The following LMF1 variants were observed in gnomAD, a reference collection of about 807,000 sequenced individuals.
The protein encoded by LMF1 is transmembrane protein 112.
A neutral mutation model predicts 60.6 loss-of-function variants in LMF1; 68 were observed. That is an observed-to-expected ratio of 1.12 (90% CI 0.92 to 1.37). The LOEUF is 1.37. LMF1 is among the 40% of genes most tolerant of loss of function. The probability of loss-of-function intolerance (pLI) is 0.00; values close to 1 mark genes in which losing one functional copy is unlikely to be tolerated. For synonymous variants in LMF1, 418 were observed against 324.7 expected, an observed-to-expected ratio of 1.29 and a Z score of -3.09; for missense variants, 948 against 767.2, an observed-to-expected ratio of 1.24 and a Z score of -2.78.
chr16:860,115 A>G (rs928444549), intron 10 of LMF1, among the ~76,000 whole-genome samples: 7 of 151,480 alleles, frequency 4.6e-5, no homozygotes, highest in African/African-American at 1.7e-4. Flanking sequence ...AAGTTATGAA[A>G]CTTCTTTACA....
chr16:907,901 T>C (rs1011255254), intron 4 of LMF1, among the ~76,000 whole-genome samples: 4 of 152,222 alleles, frequency 2.6e-5, no homozygotes, highest in Non-Finnish European at 4.4e-5. Context: ...CAAAATGCCA[T>C]AAAAGGTGCT....
At chr16:866,723 A>C (rs9936865) in intron 10 of LMF1, among the ~76,000 whole-genome samples, 23,447 of 152,092 alleles carry the variant, frequency 0.15, 4,033 homozygotes, top group African/African-American at 0.43. Flanking sequence ...TGATTATTTT[A>C]TGTAAATTTC....
intron 1 of LMF1, among the ~76,000 whole-genome samples, chr16:965,359 G>C (rs547013758): frequency 6.6e-6 from 1 of 152,274 alleles, no homozygotes; most frequent in East Asian, 1.9e-4. Context: ...ATTGGGGAGA[G>C]GCCAGAAGAG....
At chr16:882,741 C>A (rs191748006) in intron 5 of LMF1, among the ~76,000 whole-genome samples, 1 of 147,106 alleles carries the variant, frequency 6.8e-6, no homozygotes, top group African/African-American at 2.5e-5. Context: ...CAGAGCCCAT[C>A]GCAGGACCAG....
Position 869,762 on chromosome 16 carries a change from ATC to A in LMF1, c.1416+119_1416+120del, listed in dbSNP as rs2069721807. On this transcript the variant is annotated intron_variant, in intron 9 of 10. Coordinates refer to ENST00000262301, the MANE Select transcript of LMF1 (RefSeq NM_022773.4). ...CAGTTCTCAGCTCAGGCAGGATCCC[ATC>A]TCTCCCAGCCTCCCTCCCCACCAGC... The A allele has an allele frequency of 3.8e-6, 4 of 1,061,324 alleles. No homozygotes were observed. The African/African-American group carries it at 4.7e-5, about 13-fold the overall frequency. The allele number at this position is 1,061,324 out of a possible 1,614,324, so 65.7% of individuals were successfully genotyped here.
intron 4 of LMF1, among the ~76,000 whole-genome samples, chr16:907,269 C>T (rs572084669): frequency 6.6e-6 from 1 of 152,034 alleles, no homozygotes; most frequent in East Asian, 1.9e-4. Flanking sequence ...GGCGTGATGG[C>T]AGGTTCCTGT....
At position 914,759 on chromosome 16, in the gene LMF1, TTCCC is replaced by T. The variant is rs1488950554; in HGVS notation, c.515-3684_515-3681del. On this transcript the variant is annotated intron_variant, in intron 3 of 10. Coordinates refer to ENST00000262301, the MANE Select transcript of LMF1 (RefSeq NM_022773.4). ...CCTCCCCATGACTATTGGTGACACA[TTCCC>T]TCCCTCCCTCCCTTCCCATGACCAC... is the stretch of plus-strand genomic sequence containing the variant. 3.6e-3 allele frequency among the ~76,000 whole-genome samples: 9 copies of T among 2,482 alleles called. 1 individual carries two copies. The highest frequency in any genetic ancestry group is 0.023 in the East Asian group (2 of 86). The allele number at this position is 2,482 out of a possible 152,430, so 1.6% of individuals were successfully genotyped here. A position where few individuals can be genotyped will look rare whatever the true frequency, so the allele number is the denominator to read the frequency against.
At chr16:979,677 A>G (rs1395940629) in intron 1 of LMF1, 1 of 453,938 alleles carries the variant, frequency 2.2e-6, no homozygotes, top group Non-Finnish European at 4.4e-6. Flanking sequence ...CGCAGACCTA[A>G]TGCAACTGCT....
intron 3 of LMF1, among the ~76,000 whole-genome samples, chr16:927,466 G>T (rs1475165724): frequency 1.3e-5 from 2 of 152,258 alleles, no homozygotes; most frequent in African/African-American, 4.8e-5. Context: ...ACCCAGAGAG[G>T]AGCTGGCTCG....
In LMF1 at chr16:878,254, C is replaced by T. The variant is rs888058086; in HGVS notation, c.897+1316G>A. ...GGGACGATCTGTGAGCAAGTCCGTT[C>T]TTCCCACTTAGATTCACGGCGACAT... is the stretch of plus-strand genomic sequence containing the variant. On this transcript the variant is annotated intron_variant, in intron 6 of 10. Coordinates refer to ENST00000262301, the MANE Select transcript of LMF1 (RefSeq NM_022773.4). This position sits in a 1 kb window ranked among gnomAD's most constrained non-coding sequence, Gnocchi z 5.2. Among the ~76,000 whole-genome samples the T allele has an allele frequency of 2.0e-5, 3 of 152,124 alleles. No homozygotes were observed. Among genetic ancestry groups the T allele is most frequent in the African/African-American group, 7.2e-5 (3 of 41,424 alleles).
upstream of LMF1, chr16:971,006 G>A (rs762913351): frequency 4.8e-6 from 3 of 630,080 alleles, no homozygotes; most frequent in African/African-American, 2.3e-4. Context: ...ACTCCCGGAG[G>A]CCCCGCCCAT....
chr16:869,973 C>T lies in LMF1; in HGVS notation c.1326G>A (p.Lys442=). The change falls in exon 9 of 11, where the codon AAG becomes AAA. Residue 442 remains lysine (K), a synonymous_variant. Transcript: ENST00000262301. ...PDAMWEDYEF[K]CKPGDPSRRP... Reference sequence around the variant, plus strand: ...GTCTGCTGGGGTCACCTGGCTTGCACTTGAACTCGTAGTCCTCCCACATGG... The same window carrying T: ...GTCTGCTGGGGTCACCTGGCTTGCATTTGAACTCGTAGTCCTCCCACATGG... 1 of 1,613,358 alleles carries T rather than the reference C, an allele frequency of 6.2e-7. No homozygotes were observed. The highest frequency in any genetic ancestry group is 8.5e-7 in the Non-Finnish European group (1 of 1,179,884).
At chr16:882,014 G>A (rs558031193) in intron 5 of LMF1, among the ~76,000 whole-genome samples, 26 of 152,208 alleles carry the variant, frequency 1.7e-4, no homozygotes, top group East Asian at 3.8e-4. Context: ...AAGCGTCCCC[G>A]TGGGAAGCGG....
At chr16:929,800 C>T (rs1237975995) in intron 3 of LMF1, among the ~76,000 whole-genome samples, 2 of 152,268 alleles carry the variant, frequency 1.3e-5, no homozygotes, top group East Asian at 1.9e-4. Flanking sequence ...CTGGAAAGCG[C>T]GGCCCTGACG....
intron 3 of LMF1, among the ~76,000 whole-genome samples, chr16:917,182 G>C (rs918942555): frequency 3.3e-5 from 5 of 152,182 alleles, no homozygotes; most frequent in Non-Finnish European, 5.9e-5. Context: ...CATGGGGGAC[G>C]GGTCACCACC....
At chr16:938,617 G>T (rs1185762379) in intron 2 of LMF1, among the ~76,000 whole-genome samples, 1 of 152,160 alleles carries the variant, frequency 6.6e-6, no homozygotes, top group Non-Finnish European at 1.5e-5. Context: ...CCTCTTACTG[G>T]AGCTGCCAAG....
chr16:930,197 C>T lies in LMF1; in HGVS notation c.514+4047G>A, dbSNP rs150771079. On this transcript the variant is annotated intron_variant, in intron 3 of 10. Coordinates refer to ENST00000262301, the MANE Select transcript of LMF1 (RefSeq NM_022773.4). ...AGCCCAGGACAGCAGCGGTCGTGTT[C>T]GTCTGAACAGGGGTGCAGGGCCCTG... Among the ~76,000 whole-genome samples the T allele has an allele frequency of 2.1e-3, 291 of 140,126 alleles. 2 individuals carry two copies. The highest frequency in any genetic ancestry group is 7.0e-3 in the African/African-American group (272 of 38,724). The allele number at this position is 140,126 out of a possible 152,430, so 91.9% of individuals were successfully genotyped here. A position where few individuals can be genotyped will look rare whatever the true frequency, so the allele number is the denominator to read the frequency against.
At chr16:928,336 G>A (rs553016636) in intron 3 of LMF1, among the ~76,000 whole-genome samples, 2 of 152,312 alleles carry the variant, frequency 1.3e-5, no homozygotes, top group South Asian at 2.1e-4. Context: ...CCTTCCAGAA[G>A]ATGAGGATAA....
intron 5 of LMF1, among the ~76,000 whole-genome samples, chr16:891,997 GGGCT>G (rs2070503108): frequency 6.6e-6 from 1 of 152,218 alleles, no homozygotes; most frequent in Non-Finnish European, 1.5e-5. Context: ...GGCACTTGAT[GGGCT>G]ATGGAGACAT....
Sources: allele counts gnomAD v4.1 joint callset (sites outside exome capture counted in the v4.1 genomes callset), GRCh38; gene constraint gnomAD v4.1.1; non-coding constraint Gnocchi (gnomAD v3.1); transcripts MANE v1.5; gene names NCBI Gene and HGNC (gene_info 2026-07-23, HGNC 2026-07-21).